Variants in LRMDA observed in about 807,000 individuals in gnomAD.
The protein encoded by LRMDA is leucine-rich melanocyte differentiation-associated protein.
In LRMDA, 18 loss-of-function variants were observed where a neutral mutation model predicts 29.8. The ratio of observed to expected loss-of-function variants is 0.60; its 90% CI spans 0.42 to 0.90. The LOEUF (loss-of-function observed/expected upper bound fraction) is 0.90. Among genes scored for constraint, LRMDA ranks in the 40% least tolerant of loss-of-function variants. LRMDA has a pLI of 0.00. For missense variants in LRMDA, 273 were observed against 273.9 expected (o/e 1.00, Z 0.02); for synonymous variants, 125 against 109.4 (o/e 1.14, Z -0.89).
chr10:75,889,372 A>G (rs1845444630), intron 2 of LRMDA, among the ~76,000 whole-genome samples: 1 of 152,072 alleles, frequency 6.6e-6, no homozygotes, highest in South Asian at 2.1e-4. Flanking sequence ...CCCTTCAGCT[A>G]TTGTCTTGAG....
chr10:75,858,417 G>A lies in LRMDA; in HGVS notation c.132-177591G>A, dbSNP rs529922251. Among the ~76,000 whole-genome samples, 9 of 152,234 alleles carry A rather than the reference G, an allele frequency of 5.9e-5. 1 individual carries two copies. In the East Asian group the frequency reaches 1.7e-3, roughly 29 times the overall value. Reference sequence around the variant, plus strand: ...CCTCTCCACTAATTATCACAGTACAGCCTAACAATGCATAAGGCTCTCCAC... The same window carrying A: ...CCTCTCCACTAATTATCACAGTACAACCTAACAATGCATAAGGCTCTCCAC... On this transcript the variant is annotated intron_variant, in intron 2 of 6. Coordinates refer to ENST00000611255, the MANE Select transcript of LRMDA (RefSeq NM_001305581.2).
intron 2 of LRMDA, among the ~76,000 whole-genome samples, chr10:75,874,402 T>C (rs530175557): frequency 5.9e-5 from 9 of 152,366 alleles, no homozygotes; most frequent in African/African-American, 2.2e-4. Context: ...TCTAGACACC[T>C]GTGTAACTAC....
intron 6 of LRMDA, among the ~76,000 whole-genome samples, chr10:76,544,250 G>A (rs1309190663): frequency 6.6e-6 from 1 of 152,178 alleles, no homozygotes; most frequent in African/African-American, 2.4e-5. Context: ...ATTCTATTAG[G>A]TGCGAGGCTC....
At chr10:76,099,071 G>A (rs1849357167) in intron 5 of LRMDA, among the ~76,000 whole-genome samples, 2 of 152,190 alleles carry the variant, frequency 1.3e-5, no homozygotes, top group Admixed American at 1.3e-4. Flanking sequence ...GCAATTTTGG[G>A]AGGGTCAGAA....
chr10:76,193,990 G>A (rs1429369372), intron 5 of LRMDA, among the ~76,000 whole-genome samples: 2 of 152,126 alleles, frequency 1.3e-5, no homozygotes, highest in Admixed American at 1.3e-4. Flanking sequence ...ACAAATAATG[G>A]CATTTATTCA....
At chr10:76,172,880 T>C (rs1167525301) in intron 5 of LRMDA, among the ~76,000 whole-genome samples, 1 of 152,208 alleles carries the variant, frequency 6.6e-6, no homozygotes, top group Admixed American at 6.5e-5. Context: ...GAATATCAGA[T>C]TTATAATATC....
chr10:75,812,684 C>G (rs1042977171), intron 2 of LRMDA, among the ~76,000 whole-genome samples: 1 of 152,160 alleles, frequency 6.6e-6, no homozygotes, highest in African/African-American at 2.4e-5. Flanking sequence ...CATATTTTGT[C>G]TGTTTCCATT....
chr10:75,994,899 C>T (rs931896409), intron 2 of LRMDA, among the ~76,000 whole-genome samples: 1 of 152,194 alleles, frequency 6.6e-6, no homozygotes, highest in African/African-American at 2.4e-5. Flanking sequence ...CTCAACACTT[C>T]AAGGTTAGCA....
At chr10:75,923,039 C>T (rs1846052716) in intron 2 of LRMDA, among the ~76,000 whole-genome samples, 1 of 152,188 alleles carries the variant, frequency 6.6e-6, no homozygotes, top group Admixed American at 6.5e-5. Flanking sequence ...GGTTAAGTGA[C>T]TTTCCTAAGG....
At chr10:76,078,753 G>A (rs750301703) in intron 5 of LRMDA, among the ~76,000 whole-genome samples, 10 of 152,042 alleles carry the variant, frequency 6.6e-5, no homozygotes, top group African/African-American at 2.2e-4. Context: ...GGAGAATGGC[G>A]TGAACCCAGG....
chr10:75,768,366 A>C (rs1352803158), intron 2 of LRMDA, among the ~76,000 whole-genome samples: 1 of 152,250 alleles, frequency 6.6e-6, no homozygotes, highest in Non-Finnish European at 1.5e-5. Context: ...TATTCCCATA[A>C]GAACCTTGTA....
chr10:75,884,977 C>T (rs576804888), intron 2 of LRMDA, among the ~76,000 whole-genome samples: 5 of 150,964 alleles, frequency 3.3e-5, no homozygotes, highest in Non-Finnish European at 7.4e-5. Context: ...GACAGCAGTT[C>T]AGGAGGCCCA....
intron 6 of LRMDA, among the ~76,000 whole-genome samples, chr10:76,551,673 T>G (rs1480508961): frequency 6.6e-6 from 1 of 152,160 alleles, no homozygotes; most frequent in Non-Finnish European, 1.5e-5. Flanking sequence ...GTAAACAAGA[T>G]GCTTCTGTAT....
intron 5 of LRMDA, among the ~76,000 whole-genome samples, chr10:76,085,560 T>G (rs1378267919): frequency 6.6e-6 from 1 of 152,108 alleles, no homozygotes; most frequent in Non-Finnish European, 1.5e-5. Flanking sequence ...TCGCTTTACT[T>G]TCCCCTGGCC....
In LRMDA at chr10:76,378,842, CTTTTTCTTTT is replaced by C. The variant is rs1234888295; in HGVS notation, c.601+54373_601+54382del. 3.1e-5 allele frequency among the ~76,000 whole-genome samples: 4 copies of C among 130,776 alleles called. 1 individual carries two copies. The highest frequency in any genetic ancestry group is 2.4e-4 in the South Asian group (1 of 4,186). 85.8% of individuals were successfully genotyped at this position (130,776 alleles called of 152,430 possible). A position where few individuals can be genotyped will look rare whatever the true frequency, so the allele number is the denominator to read the frequency against. On this transcript the variant is annotated intron_variant, in intron 6 of 6. Coordinates refer to ENST00000611255, the MANE Select transcript of LRMDA (RefSeq NM_001305581.2). Reference sequence around the variant, plus strand: ...TATTGGTGTGTCTTTTCTTTTCTCTCTTTTTCTTTTTTTTTCTTTTTTTTTTTTTTTTGAG... The same window carrying C: ...TATTGGTGTGTCTTTTCTTTTCTCTCTTTTTCTTTTTTTTTTTTTTTTGAG...
At chr10:76,318,310 A>C (rs1345375359) in intron 5 of LRMDA, 3 of 151,906 alleles carry the variant, frequency 2.0e-5, no homozygotes, top group African/African-American at 7.3e-5. Context: ...TTTCATAAAT[A>C]TTTGTGAACT....
At chr10:75,791,961 G>A (rs930234064) in intron 2 of LRMDA, among the ~76,000 whole-genome samples, 1 of 146,696 alleles carries the variant, frequency 6.8e-6, no homozygotes, top group Non-Finnish European at 1.5e-5. Flanking sequence ...CCAGGTTCAC[G>A]CCATTCTCCT....
chr10:75,649,169 G>T (rs191309597), intron 2 of LRMDA, among the ~76,000 whole-genome samples: 2 of 152,092 alleles, frequency 1.3e-5, no homozygotes, highest in Non-Finnish European at 2.9e-5. Context: ...CTCTGAATTC[G>T]ACTGAGCACC....
chr10:75,883,200 C>T (rs1020637418), intron 2 of LRMDA: 4 of 152,242 alleles, frequency 2.6e-5, no homozygotes, highest in Non-Finnish European at 5.9e-5. Context: ...GTAAAACCAT[C>T]GGGCACTCTC....
Sources: allele counts gnomAD v4.1 joint callset (sites outside exome capture counted in the v4.1 genomes callset), GRCh38; gene constraint gnomAD v4.1.1; transcripts MANE v1.5; gene names NCBI Gene and HGNC (gene_info 2026-07-23, HGNC 2026-07-21).